EPHB2: variants seen among roughly 807,000 people sequenced by gnomAD.
EPHB2 encodes ephrin type-B receptor 2.
A neutral mutation model predicts 96.4 loss-of-function variants in EPHB2; 18 were observed. The observed-to-expected ratio is 0.19, with a 90% CI of 0.13 to 0.28. EPHB2 has a LOEUF of 0.28. Among genes scored for constraint, EPHB2 ranks in the 10% least tolerant of loss-of-function variants. The probability of loss-of-function intolerance (pLI) is 1.00; values close to 1 mark genes in which losing one functional copy is unlikely to be tolerated. For synonymous variants in EPHB2, 506 were observed against 534.1 expected, an observed-to-expected ratio of 0.95 and a Z score of 0.72; for missense variants, 989 against 1,355.4, an observed-to-expected ratio of 0.73 and a Z score of 4.25.
intron 5 of EPHB2, among the ~76,000 whole-genome samples, chr1:22,881,582 G>C (rs1398956201): frequency 3.3e-5 from 5 of 151,422 alleles, no homozygotes; most frequent in Non-Finnish European, 7.4e-5. Flanking sequence ...TGAGGGAATT[G>C]TACTAAGGTA....
intron 1 of EPHB2, among the ~76,000 whole-genome samples, chr1:22,716,187 A>T (rs1365251332): frequency 2.0e-5 from 3 of 152,214 alleles, no homozygotes; most frequent in African/African-American, 7.2e-5. Flanking sequence ...AGGGACTGTC[A>T]TCTGGGGTCC....
intron 3 of EPHB2, among the ~76,000 whole-genome samples, chr1:22,813,175 G>T (rs1645026635): frequency 6.6e-6 from 1 of 152,208 alleles, no homozygotes; most frequent in Admixed American, 6.5e-5. Context: ...CAGTCAGGCA[G>T]GTTCTCTTGT....
At chr1:22,827,580 A>T (rs1458097061) in intron 3 of EPHB2, among the ~76,000 whole-genome samples, 2 of 152,224 alleles carry the variant, frequency 1.3e-5, no homozygotes, top group Admixed American at 6.5e-5. Context: ...TCATCTAGAA[A>T]ATGGGTAATG....
intron 6 of EPHB2, among the ~76,000 whole-genome samples, chr1:22,887,215 C>A (rs1639254763): frequency 6.6e-6 from 1 of 152,056 alleles, no homozygotes; most frequent in African/African-American, 2.4e-5. Context: ...AGGAGCAGAA[C>A]CAAGAGTCAT....
Position 22,906,194 on chromosome 1 carries a change from T to C in EPHB2, c.1888+85T>C, listed in dbSNP as rs1570465356. On this transcript the variant is annotated intron_variant, in intron 10 of 15. Transcript: ENST00000374630. This position sits in a 1 kb window ranked among gnomAD's most constrained non-coding sequence, Gnocchi z 4.8. ...CAATGTATACCCTTGGGGCAGAAGGTAGGATGTGGGACAGGCGCCTCAAAG... is the reference window on the plus strand; with the variant it reads ...CAATGTATACCCTTGGGGCAGAAGGCAGGATGTGGGACAGGCGCCTCAAAG... 2 of 1,602,704 alleles carry C rather than the reference T, an allele frequency of 1.2e-6. No homozygotes were observed. Among genetic ancestry groups the C allele is most frequent in the Non-Finnish European group, 8.5e-7 (1 of 1,174,328 alleles).
At chr1:22,832,004 C>G (rs1557701074) in intron 3 of EPHB2, among the ~76,000 whole-genome samples, 1 of 152,188 alleles carries the variant, frequency 6.6e-6, no homozygotes, top group African/African-American at 2.4e-5. Flanking sequence ...TTGGGCTTCC[C>G]CAGGCCCCAA....
chr1:22,851,746 A>C (rs773999469), intron 3 of EPHB2, among the ~76,000 whole-genome samples: 1 of 152,130 alleles, frequency 6.6e-6, no homozygotes, highest in Non-Finnish European at 1.5e-5. Context: ...CGTGCTAGCA[A>C]CCCTGAACTA....
At chr1:22,801,939 C>T (rs1212534342) in intron 3 of EPHB2, among the ~76,000 whole-genome samples, 3 of 152,230 alleles carry the variant, frequency 2.0e-5, no homozygotes, top group South Asian at 2.1e-4. Flanking sequence ...ACAGCCGCGC[C>T]GAATCCCGCC....
chr1:22,810,115 G>A (rs1290686903), intron 3 of EPHB2, among the ~76,000 whole-genome samples: 2 of 152,194 alleles, frequency 1.3e-5, no homozygotes, highest in East Asian at 3.9e-4. Context: ...CTGATGGGGT[G>A]TTTGGTAAGA....
Position 22,790,241 on chromosome 1 carries a change from G to C in EPHB2, c.811+5165G>C, listed in dbSNP as rs1644671757. Among the ~76,000 whole-genome samples, 1 of 152,102 alleles carries C rather than the reference G, an allele frequency of 6.6e-6. No homozygotes were observed. The highest frequency in any genetic ancestry group is 2.1e-4 in the South Asian group (1 of 4,812). ...AAGGCATATTTGATGGGTAGAAAGG[G>C]CTTTGCAGTGTATAGGGATTAGGAC... On this transcript the variant is annotated intron_variant, in intron 3 of 15. Transcript: ENST00000374630. The surrounding 1 kb of genome is among the most constrained non-coding windows in gnomAD (Gnocchi z 4.0).
At chr1:22,896,283 G>A in intron 8 of EPHB2, 131 bp from the exon 9 acceptor site, 2 of 1,114,864 alleles carry the variant, frequency 1.8e-6, no homozygotes, top group Non-Finnish European at 2.6e-6. Context: ...GGGCCAAAAG[G>A]GGCAGGCAGG....
At chr1:22,828,926 T>C (rs995049479) in intron 3 of EPHB2, among the ~76,000 whole-genome samples, 1 of 152,242 alleles carries the variant, frequency 6.6e-6, no homozygotes, top group Non-Finnish European at 1.5e-5. Context: ...GTCACAGAAC[T>C]GTAGACTGTT....
intron 3 of EPHB2, among the ~76,000 whole-genome samples, chr1:22,797,433 C>T (rs368629540): frequency 6.6e-6 from 1 of 152,148 alleles, no homozygotes; most frequent in African/African-American, 2.4e-5. Context: ...CTCCACCTCT[C>T]GCTCTGAGCC....
rs894335792 is a variant in EPHB2, at chr1:22,875,539, G to A, written c.1304-6820G>A. On this transcript the variant is annotated intron_variant, in intron 5 of 15. Coordinates refer to ENST00000374630, the MANE Select transcript of EPHB2 (RefSeq NM_017449.5). This position sits in a 1 kb window ranked among gnomAD's most constrained non-coding sequence, Gnocchi z 4.2. ...GTTTTAGTGGCCAGCCCACAAGGTC[G>A]GTAGACTCGGGTTCCTGAGGGCGCC... is the stretch of plus-strand genomic sequence containing the variant. Among the ~76,000 whole-genome samples, 7 of 152,262 alleles carry A rather than the reference G, an allele frequency of 4.6e-5. No homozygotes were observed. The highest frequency in any genetic ancestry group is 3.9e-4 in the East Asian group (2 of 5,156).
chr1:22,898,901 G>T (rs1639658156), intron 9 of EPHB2, among the ~76,000 whole-genome samples: 1 of 152,194 alleles, frequency 6.6e-6, no homozygotes, highest in Admixed American at 6.5e-5. Context: ...TGAAGTAAAA[G>T]TTCCTGGGCT....
In EPHB2 at chr1:22,837,335, A is replaced by G. The variant is rs532811829; in HGVS notation, c.812-25702A>G. On this transcript the variant is annotated intron_variant, in intron 3 of 15. Coordinates refer to ENST00000374630, the MANE Select transcript of EPHB2 (RefSeq NM_017449.5). Reference sequence around the variant, plus strand: ...GAGACTTACTAGTATGACTCCCTGCACACACATAGATGCCTGCTTTCCTTG... The same window carrying G: ...GAGACTTACTAGTATGACTCCCTGCGCACACATAGATGCCTGCTTTCCTTG... 2.7e-4 allele frequency among the ~76,000 whole-genome samples: 41 copies of G among 152,234 alleles called. 1 individual carries two copies. The highest frequency in any genetic ancestry group is 2.3e-3 in the South Asian group (11 of 4,820).
In EPHB2 at chr1:22,745,083, A is replaced by G. The variant is rs375615202; in HGVS notation, c.61+34040A>G. 3.4e-4 allele frequency among the ~76,000 whole-genome samples: 52 copies of G among 152,290 alleles called. 1 individual carries two copies. In the South Asian group the frequency reaches 1.0e-2, roughly 29 times the overall value. On this transcript the variant is annotated intron_variant, in intron 1 of 15. Transcript: ENST00000374630. Reference sequence around the variant, plus strand: ...GGTGTTATCCAAGGGTCAGCTGTATATACCTAAATGAGATGAATGCACATG... The same window carrying G: ...GGTGTTATCCAAGGGTCAGCTGTATGTACCTAAATGAGATGAATGCACATG...
chr1:22,774,493 T>C, intron 1 of EPHB2: 2 of 884,776 alleles, frequency 2.3e-6, no homozygotes, highest in Non-Finnish European at 2.7e-6. Context: ...TTAGCCAGGC[T>C]AACAAAGCAA....
Position 22,912,495 on chromosome 1 carries a change from C to T in EPHB2, c.2748C>T (p.Asn916=), listed in dbSNP as rs745928506. 6.2e-6 allele frequency: 10 copies of T among 1,614,086 alleles called. No homozygotes were observed. The East Asian group carries it at 2.0e-4, about 32-fold the overall frequency. ...DRTIPDYTSF[N]TVDEWLEAIK... The stretch of plus-strand genomic sequence containing the variant: ...CGATCCCCGACTACACCAGCTTTAA[C>T]ACGGTGGACGAGTGGCTGGAGGCCA... Residue 916 remains asparagine, a synonymous_variant, in exon 15 of 16, where the codon AAC becomes AAT. Transcript: ENST00000374630.
Sources: gnomAD v4.1 joint callset for allele counts (sites outside exome capture counted in the v4.1 genomes callset) on GRCh38, gnomAD v4.1.1 for gene constraint, Gnocchi (gnomAD v3.1) non-coding constraint, MANE v1.5 for transcripts, NCBI Gene and HGNC (gene_info 2026-07-23, HGNC 2026-07-21) for gene names.